Variants in MBD2 observed in about 807,000 individuals in gnomAD.
MBD2 encodes methyl-CpG binding domain protein 2.
MBD2 carries 9 observed loss-of-function variants against 39.3 expected under a neutral mutation model. The observed-to-expected ratio is 0.23, with a 90% CI of 0.14 to 0.40. The LOEUF (loss-of-function observed/expected upper bound fraction) is 0.40. MBD2 is among the 10% of genes least tolerant of loss of function. MBD2 has a pLI of 1.00. For missense variants in MBD2, 458 were observed against 532.6 expected (o/e 0.86, Z 1.38); for synonymous variants, 233 against 211.1 (o/e 1.10, Z -0.90).
intron 2 of MBD2, among the ~76,000 whole-genome samples, chr18:54,190,065 A>C (rs1299557640): frequency 6.6e-6 from 1 of 152,224 alleles, no homozygotes; most frequent in South Asian, 2.1e-4. Flanking sequence ...TTAGGAGGCC[A>C]GACTTACATA....
intron 6 of MBD2, among the ~76,000 whole-genome samples, chr18:54,157,314 G>A (rs944038992): frequency 2.0e-5 from 3 of 150,658 alleles, no homozygotes; most frequent in African/African-American, 7.3e-5. Flanking sequence ...AGGCTGTAGT[G>A]CAGTGGCGCG....
chr18:54,161,365 G>T (rs900649180), intron 5 of MBD2, among the ~76,000 whole-genome samples: 1 of 152,218 alleles, frequency 6.6e-6, no homozygotes, highest in South Asian at 2.1e-4. Context: ...CATATTAAAA[G>T]AAACTGGAAT....
chr18:54,219,720 G>C (rs946801045), intron 1 of MBD2, among the ~76,000 whole-genome samples: 4 of 152,166 alleles, frequency 2.6e-5, no homozygotes, highest in African/African-American at 9.7e-5. Flanking sequence ...GTGAGGGGAG[G>C]AGCATGGTTG....
Position 54,224,158 on chromosome 18 carries a change from C to G in MBD2, c.402G>C (p.Ala134=). ...REPVPFPSGS[A]GPGPRGPRAT... ...CCCGGGGTCCCCTGGGCCCCGGCCC[C>G]GCGCTCCCCGACGGGAAAGGGACCG... The change falls in exon 1 of 7, where the codon GCG becomes GCC. Residue 134 remains alanine, a synonymous_variant. Transcript: ENST00000256429. 6.9e-7 allele frequency: 1 copy of G among 1,445,860 alleles called. No individual in the cohort carries two copies. Among genetic ancestry groups the G allele is most frequent in the East Asian group, 2.8e-5 (1 of 35,146 alleles). 89.6% of individuals were successfully genotyped at this position (1,445,860 alleles called of 1,614,324 possible). A position where few individuals can be genotyped will look rare whatever the true frequency, so the allele number is the denominator to read the frequency against.
chr18:54,192,999 C>A (rs1274088532), intron 2 of MBD2, among the ~76,000 whole-genome samples: 1 of 152,148 alleles, frequency 6.6e-6, no homozygotes, highest in Non-Finnish European at 1.5e-5. Flanking sequence ...TTTTAACTGG[C>A]CTAGAAGCTC....
chr18:54,203,915 T>C (rs1420848098), intron 2 of MBD2, among the ~76,000 whole-genome samples: 1 of 152,208 alleles, frequency 6.6e-6, no homozygotes, highest in Non-Finnish European at 1.5e-5. Context: ...ATTTACTCCT[T>C]ACAACAATGC....
chr18:54,186,774 T>G (rs1032474339), intron 3 of MBD2, among the ~76,000 whole-genome samples: 1 of 152,174 alleles, frequency 6.6e-6, no homozygotes, highest in African/African-American at 2.4e-5. Context: ...TTTGGAGAAG[T>G]GGCCTGCTAA....
chr18:54,211,407 A>ACACACACACACG (rs1258228065), intron 1 of MBD2, among the ~76,000 whole-genome samples: 10 of 151,040 alleles, frequency 6.6e-5, no homozygotes, highest in African/African-American at 2.4e-4. Context: ...ACACACACAC[A>ACACACACACACG]CACACACGCA....
chr18:54,221,701 G>A (rs558324962), intron 1 of MBD2, among the ~76,000 whole-genome samples: 2 of 147,792 alleles, frequency 1.4e-5, no homozygotes, highest in East Asian at 2.0e-4. Context: ...CCCGAGAGGC[G>A]GAGGATGCAC....
Position 54,207,923 on chromosome 18 carries a change from A to G in MBD2, c.543-2766T>C, listed in dbSNP as rs539024521. ...CGTGGTGGCGGGCGCCTGTAGTCCC[A>G]GCTACTCAGGAGGCTGAGGCAGGAG... On this transcript the variant is annotated intron_variant, in intron 1 of 6. Coordinates refer to ENST00000256429, the MANE Select transcript of MBD2 (RefSeq NM_003927.5). Among the ~76,000 whole-genome samples the G allele has an allele frequency of 3.3e-5, 5 of 152,314 alleles. No homozygotes were observed. In the South Asian group the frequency reaches 6.2e-4, roughly 19 times the overall value.
intron 1 of MBD2, among the ~76,000 whole-genome samples, chr18:54,208,811 T>C (rs2086474927): frequency 6.6e-6 from 1 of 152,204 alleles, no homozygotes; most frequent in South Asian, 2.1e-4. Context: ...CTCACCACAA[T>C]GTTCCTCTAC....
In MBD2 at chr18:54,159,852, C is replaced by A; in HGVS notation, c.1161G>T (p.Leu387=). ...QQVRKKLEEA[L]MADILSRAAD... The stretch of plus-strand genomic sequence containing the variant: ...CAGCTCGCGACAAGATGTCTGCCAT[C>A]AGTGCTTCTTCCAATTTCTTGCGTA... Residue 387 remains leucine, a synonymous_variant, in exon 6 of 7, where the codon CTG becomes CTT. Transcript: ENST00000256429. 1 of 1,612,992 alleles carries A rather than the reference C, an allele frequency of 6.2e-7. No homozygotes were observed. Among genetic ancestry groups the A allele is most frequent in the Non-Finnish European group, 8.5e-7 (1 of 1,180,012 alleles).
At chr18:54,219,246 A>G (rs2086588390) in intron 1 of MBD2, among the ~76,000 whole-genome samples, 1 of 152,226 alleles carries the variant, frequency 6.6e-6, no homozygotes, top group Admixed American at 6.5e-5. Flanking sequence ...CTGATGATGA[A>G]AATTAGAAAC....
At chr18:54,180,361 CAT>C (rs1489448734) in intron 3 of MBD2, among the ~76,000 whole-genome samples, 5 of 152,148 alleles carry the variant, frequency 3.3e-5, no homozygotes, top group African/African-American at 1.2e-4. Flanking sequence ...GAAAACCTAA[CAT>C]AGAGTTATTA....
In MBD2 at chr18:54,224,650, G is replaced by C. The variant is rs778635048; in HGVS notation, c.-91C>G. On this transcript the variant is annotated 5_prime_UTR_variant, in exon 1 of 7. Transcript: ENST00000256429. ...GCCCCGCCCGCAGCGCGGCGCGCGG[G>C]GGACGCGCGCAAGCATCATAGAGCG... 5.2e-6 allele frequency: 5 copies of C among 964,230 alleles called. No individual in the cohort carries two copies. The highest frequency in any genetic ancestry group is 1.7e-5 in the African/African-American group (1 of 59,362). 59.7% of individuals were successfully genotyped at this position (964,230 alleles called of 1,614,324 possible). A position where few individuals can be genotyped will look rare whatever the true frequency, so the allele number is the denominator to read the frequency against.
At chr18:54,163,058 T>C (rs1019840727) in intron 5 of MBD2, among the ~76,000 whole-genome samples, 5 of 152,036 alleles carry the variant, frequency 3.3e-5, no homozygotes, top group Admixed American at 6.6e-5. Flanking sequence ...CGGATCATGA[T>C]GTCAGGAGTT....
At chr18:54,211,161 G>A (rs939240878) in intron 1 of MBD2, among the ~76,000 whole-genome samples, 4 of 151,886 alleles carry the variant, frequency 2.6e-5, no homozygotes, top group African/African-American at 4.8e-5. Flanking sequence ...GTGAGCCACC[G>A]CGCCCGGCCA....
intron 2 of MBD2, among the ~76,000 whole-genome samples, chr18:54,192,741 A>G (rs1381361318): frequency 6.6e-6 from 1 of 152,218 alleles, no homozygotes; most frequent in East Asian, 1.9e-4. Flanking sequence ...GAAGACTGGA[A>G]GGAAGCATGG....
chr18:54,222,870 C>T (rs965425253), intron 1 of MBD2, among the ~76,000 whole-genome samples: 2 of 152,174 alleles, frequency 1.3e-5, no homozygotes, highest in Non-Finnish European at 2.9e-5. Context: ...TTTCTTTAAC[C>T]TTTTCAATCT....
Sources: allele counts gnomAD v4.1 joint callset (sites outside exome capture counted in the v4.1 genomes callset), GRCh38; gene constraint gnomAD v4.1.1; transcripts MANE v1.5; gene names NCBI Gene and HGNC (gene_info 2026-07-23, HGNC 2026-07-21).